Variants in TIMM23B observed in about 807,000 individuals in gnomAD.
TIMM23B encodes translocase of inner mitochondrial membrane 23 homolog B.
In TIMM23B, 27 loss-of-function variants were observed where a neutral mutation model predicts 27.3. The ratio of observed to expected loss-of-function variants is 0.99; its 90% CI spans 0.73 to 1.36. The LOEUF is 1.36. Among genes scored for constraint, TIMM23B ranks in the 40% most tolerant of loss-of-function variants. TIMM23B has a pLI of 0.00. For missense variants in TIMM23B, 205 were observed against 244.2 expected, an observed-to-expected ratio of 0.84 and a Z score of 1.07; for synonymous variants, 73 against 92.4, an observed-to-expected ratio of 0.79 and a Z score of 1.21.
chr10:49,967,346 C>T (rs138621723), intron 6 of TIMM23B, among the ~76,000 whole-genome samples: 6,146 of 152,322 alleles, frequency 0.04, 161 homozygotes, highest in South Asian at 0.075. Flanking sequence ...TGCCTAAGGT[C>T]ATTTCCAAAT....
At chr10:49,949,112 G>A (rs1235722277) in intron 2 of TIMM23B, among the ~76,000 whole-genome samples, 11 of 149,474 alleles carry the variant, frequency 7.4e-5, no homozygotes, top group Non-Finnish European at 1.6e-4. Flanking sequence ...GCCCAGGCTG[G>A]TCTCTTAACT....
chr10:49,948,903 A>G (rs1264989240), intron 2 of TIMM23B, among the ~76,000 whole-genome samples: 11 of 152,026 alleles, frequency 7.2e-5, no homozygotes, highest in African/African-American at 2.7e-4. Flanking sequence ...TTTTTTTTCT[A>G]AGAGACAAAG....
chr10:49,966,931 T>A (rs1453213812), intron 6 of TIMM23B, among the ~76,000 whole-genome samples: 2 of 135,744 alleles, frequency 1.5e-5, no homozygotes, highest in Admixed American at 1.5e-4. Context: ...ACTTACTATG[T>A]TGAGCCCTTC....
At chr10:49,943,506 A>G (rs1346321547) in intron 1 of TIMM23B, 2 of 151,994 alleles carry the variant, frequency 1.3e-5, no homozygotes, top group Non-Finnish European at 2.9e-5. Flanking sequence ...TGGGATTCCT[A>G]GGCCTGAGCT....
intron 6 of TIMM23B, among the ~76,000 whole-genome samples, chr10:49,964,627 AAAATGAAAT>A (rs1411492995): frequency 2.0e-5 from 3 of 149,334 alleles, no homozygotes; most frequent in African/African-American, 5.0e-5. Flanking sequence ...ATGAAATGAA[AAAATGAAAT>A]AAATGAAATG....
chr10:49,950,546 C>CTT (rs1161323117), intron 2 of TIMM23B, among the ~76,000 whole-genome samples: 3 of 105,364 alleles, frequency 2.8e-5, no homozygotes, highest in African/African-American at 1.1e-4. Flanking sequence ...GTTTTCTTTT[C>CTT]TTTTTTTTTT....
chr10:49,957,961 G>C (rs1160113437), intron 5 of TIMM23B, among the ~76,000 whole-genome samples: 3 of 152,110 alleles, frequency 2.0e-5, no homozygotes, highest in Admixed American at 1.3e-4. Context: ...TCTGAAATGG[G>C]GGTCTTACAG....
chr10:49,952,263 A>G (rs1839555942), intron 3 of TIMM23B, 44 bp downstream of exon 3: 1 of 1,545,668 alleles, frequency 6.5e-7, no homozygotes. Flanking sequence ...CAGTTCAAGT[A>G]GTTGAGGGTG....
At chr10:49,955,480 C>T (rs1589035867) in intron 5 of TIMM23B, among the ~76,000 whole-genome samples, 1 of 152,154 alleles carries the variant, frequency 6.6e-6, no homozygotes, top group African/African-American at 2.4e-5. Context: ...AGTCTGTTTA[C>T]CTGAGTAGAT....
chr10:49,969,048 A>G (rs1840297377), intron 6 of TIMM23B, among the ~76,000 whole-genome samples: 1 of 151,372 alleles, frequency 6.6e-6, no homozygotes, highest in African/African-American at 2.4e-5. Flanking sequence ...TTCTTAGAGC[A>G]GAGTTTGGTA....
chr10:49,953,538 G>T (rs1839611315), intron 4 of TIMM23B, among the ~76,000 whole-genome samples: 1 of 152,068 alleles, frequency 6.6e-6, no homozygotes, highest in African/African-American at 2.4e-5. Flanking sequence ...TAGAGACGGG[G>T]TCTCACTGTA....
At chr10:49,967,085 A>G (rs1310759740) in intron 6 of TIMM23B, among the ~76,000 whole-genome samples, 6 of 151,992 alleles carry the variant, frequency 3.9e-5, no homozygotes, top group African/African-American at 9.7e-5. Flanking sequence ...ATGCCTGGCT[A>G]ATTTTTTTGT....
In TIMM23B at chr10:49,942,275, G is replaced by T. The variant is rs1305427424; in HGVS notation, c.81G>T (p.Ser27=). The T allele has an allele frequency of 1.2e-6, 2 of 1,612,482 alleles. No individual in the cohort carries two copies. Among genetic ancestry groups the T allele is most frequent in the African/African-American group, 2.7e-5 (2 of 75,002 alleles). The change falls in exon 1 of 7, where the codon TCG becomes TCT. Residue 27 remains serine (S), a synonymous_variant. Coordinates refer to ENST00000651259, the MANE Select transcript of TIMM23B (RefSeq NM_001290117.2). ...TCGGAGCCGGCGAAGCAGGTTACTC[G>T]CACGCGGATTTGGCTGGCGTCCCGC... is the stretch of plus-strand genomic sequence containing the variant. ...GFFGAGEAGY[S]HADLAGVPLT...
chr10:49,947,575 A>C (rs1279040862), intron 2 of TIMM23B, among the ~76,000 whole-genome samples: 1 of 152,012 alleles, frequency 6.6e-6, no homozygotes, highest in Non-Finnish European at 1.5e-5. Context: ...CACCACCCGC[A>C]CTTCAGCCTG....
Position 49,973,102 on chromosome 10 carries a change from A to G in TIMM23B, c.*38A>G, listed in dbSNP as rs1361735750. The G allele has an allele frequency of 3.3e-6, 5 of 1,521,752 alleles. No individual in the cohort carries two copies. The highest frequency in any genetic ancestry group is 3.5e-6 in the Non-Finnish European group (4 of 1,136,630). The allele number at this position is 1,521,752 out of a possible 1,614,324, so 94.3% of individuals were successfully genotyped here. ...AGGTGTGTGTCAATCCCAACTGGTG[A>G]AGTACTGAGAAGAAGCTACACAAAA... On this transcript the variant is annotated 3_prime_UTR_variant, in exon 7 of 7. Coordinates refer to ENST00000651259, the MANE Select transcript of TIMM23B (RefSeq NM_001290117.2).
chr10:49,967,236 A>G (rs1840202002), intron 6 of TIMM23B, among the ~76,000 whole-genome samples: 2 of 151,748 alleles, frequency 1.3e-5, no homozygotes, highest in Admixed American at 1.3e-4. Context: ...CTTTTTTTAA[A>G]TTTCTGTATT....
rs1564679513 is a variant in TIMM23B, at chr10:49,949,196, C to CTTT, written c.166-2930_166-2929insTTT. 2.2e-4 allele frequency among the ~76,000 whole-genome samples: 21 copies of CTTT among 94,130 alleles called. 1 individual carries two copies. The highest frequency in any genetic ancestry group is 1.2e-3 in the Admixed American group (11 of 9,352). The allele number at this position is 94,130 out of a possible 152,430, so 61.8% of individuals were successfully genotyped here. ...TACAGGCATGAGCCACCATGCCTGG[C>CTTT]CTTTTTTTTTTTTTTTTTTTTTTAA... is the stretch of plus-strand genomic sequence containing the variant. On this transcript the variant is annotated intron_variant, in intron 2 of 6. Coordinates refer to ENST00000651259, the MANE Select transcript of TIMM23B (RefSeq NM_001290117.2).
At chr10:49,951,429 TTG>T (rs1185163568) in intron 2 of TIMM23B, among the ~76,000 whole-genome samples, 4 of 152,084 alleles carry the variant, frequency 2.6e-5, no homozygotes, top group Non-Finnish European at 5.9e-5. Flanking sequence ...TGATAAAATT[TTG>T]TGTGTTTTTT....
At chr10:49,949,461 G>A (rs1396678831) in intron 2 of TIMM23B, among the ~76,000 whole-genome samples, 1 of 151,844 alleles carries the variant, frequency 6.6e-6, no homozygotes. Flanking sequence ...TTCAAAACTA[G>A]TTGCATGTAT....
Sources: allele counts gnomAD v4.1 joint callset (sites outside exome capture counted in the v4.1 genomes callset), GRCh38; gene constraint gnomAD v4.1.1; transcripts MANE v1.5; gene names NCBI Gene and HGNC (gene_info 2026-07-23, HGNC 2026-07-21).